Variants in RPS15A observed in about 807,000 individuals in gnomAD.
RPS15A encodes the protein small ribosomal subunit protein uS8.
For synonymous variants in RPS15A, 55 were observed against 58.5 expected (o/e 0.94, Z 0.27); for missense variants, 62 against 163.4 (o/e 0.38, Z 3.38).
At chr16:18,788,856 C>G (rs2141861925) in intron 2 of RPS15A, 125 bp downstream of exon 2, 1 of 991,020 alleles carries the variant, frequency 1.0e-6, no homozygotes, top group Non-Finnish European at 1.5e-6. Flanking sequence ...CCACAGCCCA[C>G]AGGTCAATTG....
intron 4 of RPS15A, 145 bp downstream of exon 4, chr16:18,784,593 T>G: frequency 2.7e-5 from 18 of 662,216 alleles, no homozygotes; most frequent in Non-Finnish European, 4.5e-5. Context: ...GGATAACACT[T>G]GAGCTATTAG....
intron 3 of RPS15A, chr16:18,785,366 A>C (rs1904031142): frequency 6.6e-6 from 1 of 152,226 alleles, no homozygotes; most frequent in African/African-American, 2.4e-5. Flanking sequence ...AACAAATCTG[A>C]CAGAATGATG....
rs375691443 is a variant in RPS15A, at chr16:18,788,180, C to T, written c.134-38G>A. The T allele has an allele frequency of 1.0e-5, 13 of 1,301,896 alleles. No homozygotes were observed. In the African/African-American group the frequency reaches 1.9e-4, roughly 19 times the overall value. 80.6% of individuals were successfully genotyped at this position (1,301,896 alleles called of 1,614,324 possible). On this transcript the variant is annotated intron_variant, in intron 2 of 4. Coordinates refer to ENST00000322989, the MANE Select transcript of RPS15A (RefSeq NM_001019.5). Reference sequence around the variant, plus strand: ...ACTGACTGGATTAAATAAAAGACATCAACTTGAGAGCTAAACCTCTGTGCT... The same window carrying T: ...ACTGACTGGATTAAATAAAAGACATTAACTTGAGAGCTAAACCTCTGTGCT...
intron 1 of RPS15A, chr16:18,789,948 A>AAG (rs937867719): frequency 8.5e-5 from 13 of 152,278 alleles, no homozygotes; most frequent in African/African-American, 2.7e-4. Flanking sequence ...CAGCAGTGAG[A>AAG]AGCTGCACGG....
rs1903974735 is a variant in RPS15A at position 18,782,147 on chromosome 16, A to C, written c.*862T>G. 9.1e-6 allele frequency: 1 copy of C among 110,464 alleles called. No homozygotes were observed. The highest frequency in any genetic ancestry group is 3.2e-5 in the African/African-American group (1 of 30,958). The allele number at this position is 110,464 out of a possible 1,614,324, so 6.8% of individuals were successfully genotyped here. On this transcript the variant is annotated 3_prime_UTR_variant, in exon 5 of 5. Transcript: ENST00000322989. ...CCCCACCTCTACTAAAAATACAAAA[A>C]TCAGCCAGACATGGTGGCACACACC...
intron 4 of RPS15A, 200 bp from the exon 5 acceptor site, chr16:18,783,302 A>C (rs1903993962): frequency 3.7e-6 from 2 of 542,898 alleles, no homozygotes; most frequent in Non-Finnish European, 6.6e-6. Flanking sequence ...AAATCCAGAG[A>C]GCCCAGCCAC....
At position 18,782,033 on chromosome 16, in the gene RPS15A, ACACCTGTAATCC is replaced by A. The variant is rs1369224701; in HGVS notation, c.*964_*975del. On this transcript the variant is annotated 3_prime_UTR_variant, in exon 5 of 5. Transcript: ENST00000322989. ...ATTCTTAAGGCAGGGCGTGGTGGTC[ACACCTGTAATCC>A]CAGCACTTTGGGAGACCAAGGCAGG... 127 of 131,308 alleles carry A rather than the reference ACACCTGTAATCC, an allele frequency of 9.7e-4. No homozygotes were observed. Among genetic ancestry groups the A allele is most frequent in the African/African-American group, 3.2e-3 (114 of 35,682 alleles). The allele number at this position is 131,308 out of a possible 1,614,324, so 8.1% of individuals were successfully genotyped here.
At chr16:18,783,643 G>T in intron 4 of RPS15A, 1 of 455,974 alleles carries the variant, frequency 2.2e-6, no homozygotes, top group Non-Finnish European at 4.4e-6. Flanking sequence ...TACCGTACCT[G>T]TAATACAGCA....
At position 18,784,219 on chromosome 16, in the gene RPS15A, A is replaced by G. The variant is rs536207112; in HGVS notation, c.299+519T>C. On this transcript the variant is annotated intron_variant, in intron 4 of 4. Transcript: ENST00000322989. ...GACCGCACCTGTGAACAGCCACTGC[A>G]CTCCAGCCTGGGCAACAAAGTGAAA... 5.1e-4 allele frequency: 77 copies of G among 151,868 alleles called. 1 individual carries two copies. Among genetic ancestry groups the G allele is most frequent in the Admixed American group, 4.1e-3 (62 of 15,290 alleles). 9.4% of individuals were successfully genotyped at this position (151,868 alleles called of 1,614,324 possible). A position where few individuals can be genotyped will look rare whatever the true frequency, so the allele number is the denominator to read the frequency against.
At position 18,782,883 on chromosome 16, in the gene RPS15A, C is replaced by G; in HGVS notation, c.*126G>C. ...AGTCACTTCAGGGAATCGCATTCAC[C>G]GATAAACGAAGCAACTGCATGCTGC... is the stretch of plus-strand genomic sequence containing the variant. On this transcript the variant is annotated 3_prime_UTR_variant, in exon 5 of 5. Coordinates refer to ENST00000322989, the MANE Select transcript of RPS15A (RefSeq NM_001019.5). 1.6e-6 allele frequency: 1 copy of G among 621,716 alleles called. No homozygotes were observed. Among genetic ancestry groups the G allele is most frequent in the East Asian group, 2.7e-5 (1 of 36,788 alleles). 38.5% of individuals were successfully genotyped at this position (621,716 alleles called of 1,614,324 possible). A position where few individuals can be genotyped will look rare whatever the true frequency, so the allele number is the denominator to read the frequency against.
At position 18,782,974 on chromosome 16, in the gene RPS15A, G is replaced by A. The variant is rs1424934317; in HGVS notation, c.*35C>T. On this transcript the variant is annotated 3_prime_UTR_variant, in exon 5 of 5. Transcript: ENST00000322989. ...ACCAAGTGGAAGCACCAGAGTCCAT[G>A]AGGCATTTTATTTGTAAATATATGT... 7.7e-6 allele frequency: 10 copies of A among 1,305,218 alleles called. No homozygotes were observed. Among genetic ancestry groups the A allele is most frequent in the South Asian group, 1.2e-5 (1 of 84,010 alleles). 80.9% of individuals were successfully genotyped at this position (1,305,218 alleles called of 1,614,324 possible).
At chr16:18,787,810 C>T (rs536183789) in intron 3 of RPS15A, among the ~76,000 whole-genome samples, 52 of 152,290 alleles carry the variant, frequency 3.4e-4, no homozygotes, top group Admixed American at 6.5e-4. Flanking sequence ...CCAGTACCAG[C>T]GTTGGTTTCA....
intron 3 of RPS15A, chr16:18,786,341 G>A (rs1447352331): frequency 1.9e-5 from 3 of 161,166 alleles, no homozygotes; most frequent in Admixed American, 6.5e-5. Flanking sequence ...TCCAACCTGG[G>A]TGAGAGTGAG....
intron 4 of RPS15A, chr16:18,784,131 T>C (rs1450529011): frequency 1.1e-5 from 2 of 175,246 alleles, no homozygotes; most frequent in Non-Finnish European, 2.4e-5. Flanking sequence ...TATTCCCAAA[T>C]CCACAAGAGG....
chr16:18,782,703 TAG>T lies in RPS15A; in HGVS notation c.*304_*305del, dbSNP rs1465085543. The T allele has an allele frequency of 2.1e-5, 4 of 194,492 alleles. No homozygotes were observed. Among genetic ancestry groups the T allele is most frequent in the East Asian group, 1.3e-4 (1 of 7,684 alleles). 12.0% of individuals were successfully genotyped at this position (194,492 alleles called of 1,614,324 possible). ...CGCCACTGCACTCCAGCCTGAGCAA[TAG>T]AGTCAGACTCTGTCTCCAAAAAAGA... is the stretch of plus-strand genomic sequence containing the variant. On this transcript the variant is annotated 3_prime_UTR_variant, in exon 5 of 5. Transcript: ENST00000322989.
In RPS15A at chr16:18,790,289, C is replaced by T. The variant is rs900555609; in HGVS notation, c.-51G>A. 6.6e-6 allele frequency: 1 copy of T among 152,226 alleles called. No individual in the cohort carries two copies. The highest frequency in any genetic ancestry group is 2.1e-4 in the South Asian group (1 of 4,830). 9.4% of individuals were successfully genotyped at this position (152,226 alleles called of 1,614,324 possible). On this transcript the variant is annotated 5_prime_UTR_variant, in exon 1 of 5. Coordinates refer to ENST00000322989, the MANE Select transcript of RPS15A (RefSeq NM_001019.5). Reference sequence around the variant, plus strand: ...CGATGGCAGACGGATGAAATTGGAGCTCTCAGAGAGTGCTACTCACCGGCG... The same window carrying T: ...CGATGGCAGACGGATGAAATTGGAGTTCTCAGAGAGTGCTACTCACCGGCG...
intron 4 of RPS15A, chr16:18,783,809 A>G: frequency 2.4e-6 from 1 of 422,610 alleles, no homozygotes; most frequent in Admixed American, 2.7e-5. Flanking sequence ...TACCACTTTT[A>G]CGGATGAAGA....
At chr16:18,788,734 G>C (rs1567288259) in intron 2 of RPS15A, 1 of 436,846 alleles carries the variant, frequency 2.3e-6, no homozygotes, top group Non-Finnish European at 4.2e-6. Flanking sequence ...AATGAGCTCA[G>C]GAGTCCTTTC....
Position 18,782,890 on chromosome 16 carries a change from C to T in RPS15A, c.*119G>A, listed in dbSNP as rs919768775. 11 of 633,512 alleles carry T rather than the reference C, an allele frequency of 1.7e-5. No homozygotes were observed. Among genetic ancestry groups the T allele is most frequent in the African/African-American group, 1.5e-4 (8 of 54,390 alleles). The allele number at this position is 633,512 out of a possible 1,614,324, so 39.2% of individuals were successfully genotyped here. A position where few individuals can be genotyped will look rare whatever the true frequency, so the allele number is the denominator to read the frequency against. Reference sequence around the variant, plus strand: ...TCAGGGAATCGCATTCACCGATAAACGAAGCAACTGCATGCTGCCGCAGAA... The same window carrying T: ...TCAGGGAATCGCATTCACCGATAAATGAAGCAACTGCATGCTGCCGCAGAA... On this transcript the variant is annotated 3_prime_UTR_variant, in exon 5 of 5. Coordinates refer to ENST00000322989, the MANE Select transcript of RPS15A (RefSeq NM_001019.5).
Sources: allele counts gnomAD v4.1 joint callset (sites outside exome capture counted in the v4.1 genomes callset), GRCh38; gene constraint gnomAD v4.1.1; transcripts MANE v1.5; gene names NCBI Gene and HGNC (gene_info 2026-07-23, HGNC 2026-07-21).